MTMR7: variants seen among roughly 807,000 people sequenced by gnomAD.
MTMR7 encodes the protein myotubularin related protein 7.
A neutral mutation model predicts 81.2 loss-of-function variants in MTMR7; 76 were observed. That is an observed-to-expected ratio of 0.94 (90% CI 0.78 to 1.13). The LOEUF (loss-of-function observed/expected upper bound fraction) is 1.13. MTMR7 is among the 50% of genes most tolerant of loss of function. The probability of loss-of-function intolerance (pLI) is 0.00; values close to 1 mark genes in which losing one functional copy is unlikely to be tolerated. For missense variants in MTMR7, 1,044 were observed against 820.0 expected (o/e 1.27, Z -3.34); for synonymous variants, 372 against 289.8 (o/e 1.28, Z -2.88).
At chr8:17,401,001 T>C (rs1212390189) in intron 1 of MTMR7, among the ~76,000 whole-genome samples, 1 of 152,176 alleles carries the variant, frequency 6.6e-6, no homozygotes, top group African/African-American at 2.4e-5. Context: ...CACGGTCTGT[T>C]ATAGAACCTA....
chr8:17,387,857 G>A (rs574925577), intron 1 of MTMR7, among the ~76,000 whole-genome samples: 339 of 152,208 alleles, frequency 2.2e-3, no homozygotes, highest in African/African-American at 7.7e-3. Flanking sequence ...AAAAATTCTT[G>A]ATGATTTTGG....
intron 6 of MTMR7, among the ~76,000 whole-genome samples, chr8:17,338,065 C>T (rs1297198128): frequency 4.6e-5 from 7 of 152,350 alleles, no homozygotes; most frequent in African/African-American, 1.7e-4. Context: ...AGGCCTAACA[C>T]ACTCTGGAAC....
intron 7 of MTMR7, among the ~76,000 whole-genome samples, chr8:17,315,668 C>A (rs1252462176): frequency 6.6e-6 from 1 of 152,054 alleles, no homozygotes; most frequent in African/African-American, 2.4e-5. Context: ...ATGTAACAGA[C>A]ATCCAGATTG....
intron 5 of MTMR7, among the ~76,000 whole-genome samples, chr8:17,345,215 G>A (rs1035879295): frequency 6.6e-6 from 1 of 152,190 alleles, no homozygotes; most frequent in South Asian, 2.1e-4. Context: ...TGGCCTCACT[G>A]CAAGTTCCCT....
intron 4 of MTMR7, among the ~76,000 whole-genome samples, chr8:17,354,259 T>A (rs181774183): frequency 6.6e-6 from 1 of 152,266 alleles, no homozygotes; most frequent in African/African-American, 2.4e-5. Flanking sequence ...GACATATATG[T>A]GAATAAAACA....
At chr8:17,386,531 A>G (rs1398447266) in intron 1 of MTMR7, among the ~76,000 whole-genome samples, 2 of 152,228 alleles carry the variant, frequency 1.3e-5, no homozygotes, top group South Asian at 4.1e-4. Flanking sequence ...TACGTCTACA[A>G]AGGTCAGTGA....
intron 1 of MTMR7, among the ~76,000 whole-genome samples, chr8:17,406,104 A>G (rs1821574794): frequency 6.6e-6 from 1 of 152,198 alleles, no homozygotes. Context: ...TAGAAAATAT[A>G]CATAGATATG....
At chr8:17,396,365 C>A (rs1224987858) in intron 1 of MTMR7, among the ~76,000 whole-genome samples, 1 of 152,146 alleles carries the variant, frequency 6.6e-6, no homozygotes, top group Non-Finnish European at 1.5e-5. Context: ...GGCAACCTGT[C>A]CCCCATCCCC....
intron 7 of MTMR7, among the ~76,000 whole-genome samples, chr8:17,328,515 A>G (rs1818814326): frequency 6.6e-6 from 1 of 152,014 alleles, no homozygotes; most frequent in South Asian, 2.1e-4. Context: ...GAGCTGAACA[A>G]TGAGAACACA....
chr8:17,298,789 A>T lies in MTMR7; in HGVS notation c.*1073T>A, dbSNP rs2285271. The T allele has an allele frequency of 4.6e-5, 7 of 152,214 alleles. No individual in the cohort carries two copies. Among genetic ancestry groups the T allele is most frequent in the African/African-American group, 1.7e-4 (7 of 41,302 alleles). The allele number at this position is 152,214 out of a possible 1,614,324, so 9.4% of individuals were successfully genotyped here. A position where few individuals can be genotyped will look rare whatever the true frequency, so the allele number is the denominator to read the frequency against. ...TTTTAACTCATAAGATAGGGGAGGG[A>T]CTCTCCCTTAAATGTGCAGTGTAAC... On this transcript the variant is annotated 3_prime_UTR_variant, in exon 14 of 14. Coordinates refer to ENST00000180173, the MANE Select transcript of MTMR7 (RefSeq NM_004686.5).
chr8:17,304,209 G>C (rs1410929749), intron 12 of MTMR7, among the ~76,000 whole-genome samples, 170 bp downstream of exon 12: 1 of 152,138 alleles, frequency 6.6e-6, no homozygotes, highest in African/African-American at 2.4e-5. Flanking sequence ...AGAGGCAGAG[G>C]AGTCACTGGC....
intron 1 of MTMR7, among the ~76,000 whole-genome samples, chr8:17,410,199 G>T (rs1821699901): frequency 6.6e-6 from 1 of 152,176 alleles, no homozygotes. Flanking sequence ...GTGTACCAAG[G>T]AAGAGAAGAC....
chr8:17,369,827 A>G (rs867642073), intron 3 of MTMR7, among the ~76,000 whole-genome samples: 3 of 151,656 alleles, frequency 2.0e-5, no homozygotes. Context: ...TTGTATTTTT[A>G]GTAGAGACGG....
chr8:17,366,885 C>CAAAAAAAAAAAAAAAAAAAAAAAAA (rs1277882494), intron 3 of MTMR7, among the ~76,000 whole-genome samples: 6 of 88,174 alleles, frequency 6.8e-5, no homozygotes, highest in African/African-American at 2.9e-4. Context: ...GACTCCATCT[C>CAAAAAAAAAAAAAAAAAAAAAAAAA]AAAAAAAAAA....
chr8:17,368,525 A>G (rs756609), intron 3 of MTMR7, among the ~76,000 whole-genome samples: 2 of 152,312 alleles, frequency 1.3e-5, no homozygotes, highest in South Asian at 4.1e-4. Flanking sequence ...GGTGTCTTTT[A>G]TAAAATATCT....
At position 17,297,416 on chromosome 8, in the gene MTMR7, T is replaced by C. The variant is rs1379459082; in HGVS notation, c.*2446A>G. Reference sequence around the variant, plus strand: ...TGCTTAAATTGAAGGACAGCTCAGATTCATTTTTAGGAGAAGAAAGTAAAC... The same window carrying C: ...TGCTTAAATTGAAGGACAGCTCAGACTCATTTTTAGGAGAAGAAAGTAAAC... On this transcript the variant is annotated 3_prime_UTR_variant, in exon 14 of 14. Transcript: ENST00000180173. 2.0e-5 allele frequency: 3 copies of C among 152,000 alleles called. No homozygotes were observed. Among genetic ancestry groups the C allele is most frequent in the Admixed American group, 6.6e-5 (1 of 15,258 alleles). 9.4% of individuals were successfully genotyped at this position (152,000 alleles called of 1,614,324 possible).
At chr8:17,376,035 C>T (rs553350062) in intron 1 of MTMR7, among the ~76,000 whole-genome samples, 33 of 152,120 alleles carry the variant, frequency 2.2e-4, no homozygotes, top group Non-Finnish European at 4.1e-4. Context: ...ATTTTCATCA[C>T]CGCAAAAAGA....
chr8:17,381,697 G>A (rs2150572569), intron 1 of MTMR7, among the ~76,000 whole-genome samples: 1 of 152,308 alleles, frequency 6.6e-6, no homozygotes, highest in Non-Finnish European at 1.5e-5. Context: ...TGGGGGAAGA[G>A]ATCCAGGGAC....
intron 1 of MTMR7, among the ~76,000 whole-genome samples, chr8:17,386,849 A>T (rs1820957534): frequency 6.6e-6 from 1 of 152,150 alleles, no homozygotes; most frequent in South Asian, 2.1e-4. Flanking sequence ...AAAACATACA[A>T]ACTGAGCATA....
Sources: gnomAD v4.1 joint callset for allele counts (sites outside exome capture counted in the v4.1 genomes callset) on GRCh38, gnomAD v4.1.1 for gene constraint, MANE v1.5 for transcripts, NCBI Gene and HGNC (gene_info 2026-07-23, HGNC 2026-07-21) for gene names.